The following SCAPER variants were observed in gnomAD, a reference collection of about 807,000 sequenced individuals.
SCAPER encodes S phase cyclin A-associated protein in the endoplasmic reticulum.
In SCAPER, 98 loss-of-function variants were observed where a neutral mutation model predicts 182.2. The ratio of observed to expected loss-of-function variants is 0.54; its 90% CI spans 0.46 to 0.64. The LOEUF (loss-of-function observed/expected upper bound fraction) is 0.64, where lower values mean the gene tolerates loss of function less well. SCAPER is among the 30% of genes least tolerant of loss of function. The pLI is 0.00. For synonymous variants in SCAPER, 605 were observed against 564.6 expected, an observed-to-expected ratio of 1.07 and a Z score of -1.01; for missense variants, 1,432 against 1,690.0, an observed-to-expected ratio of 0.85 and a Z score of 2.68.
chr15:76,793,186 CTT>C (rs1410397024), intron 8 of SCAPER: 22 of 1,088,980 alleles, frequency 2.0e-5, no homozygotes, highest in Non-Finnish European at 2.8e-5. Flanking sequence ...AAATTACAAA[CTT>C]CAGTTCTATA....
intron 21 of SCAPER, among the ~76,000 whole-genome samples, chr15:76,638,636 A>T (rs2053843236): frequency 1.3e-5 from 2 of 152,308 alleles, no homozygotes; most frequent in Admixed American, 6.5e-5. Flanking sequence ...TTTTCTATTA[A>T]TGTGGTGAAT....
intron 17 of SCAPER, among the ~76,000 whole-genome samples, chr15:76,713,292 G>A (rs1477885116): frequency 6.6e-6 from 1 of 151,900 alleles, no homozygotes; most frequent in African/African-American, 2.4e-5. Flanking sequence ...TATACCCAAA[G>A]GACTATAAAT....
intron 23 of SCAPER, among the ~76,000 whole-genome samples, chr15:76,524,787 T>C (rs2043081108): frequency 6.6e-6 from 1 of 150,846 alleles, no homozygotes; most frequent in Non-Finnish European, 1.5e-5. Flanking sequence ...TGAAAGTTAA[T>C]TTTGAAAGAT....
At chr15:76,825,990 C>A (rs1325372823) in intron 5 of SCAPER, among the ~76,000 whole-genome samples, 1 of 152,112 alleles carries the variant, frequency 6.6e-6, no homozygotes, top group Non-Finnish European at 1.5e-5. Flanking sequence ...GGTGATCCAC[C>A]CACATCGGCC....
At chr15:76,473,956 C>G (rs1009224694) in intron 24 of SCAPER, among the ~76,000 whole-genome samples, 1 of 152,026 alleles carries the variant, frequency 6.6e-6, no homozygotes, top group African/African-American at 2.4e-5. Context: ...GGATTACACG[C>G]GTGTGCCACC....
At chr15:76,663,133 C>G (rs1404737100) in intron 21 of SCAPER, among the ~76,000 whole-genome samples, 1 of 151,868 alleles carries the variant, frequency 6.6e-6, no homozygotes, top group Non-Finnish European at 1.5e-5. Context: ...TAAATTGGGA[C>G]ACTTCATAAA....
intron 2 of SCAPER, among the ~76,000 whole-genome samples, chr15:76,873,865 T>A (rs1595866702): frequency 6.6e-6 from 1 of 152,144 alleles, no homozygotes; most frequent in African/African-American, 2.4e-5. Context: ...CCCCATGTGT[T>A]TGGAAGTTAA....
intron 5 of SCAPER, among the ~76,000 whole-genome samples, chr15:76,811,792 A>G (rs559253634): frequency 3.9e-4 from 59 of 151,892 alleles, no homozygotes; most frequent in Non-Finnish European, 7.7e-4. Flanking sequence ...CTGCCTCAAA[A>G]AATAAAAAAT....
Position 76,864,402 on chromosome 15 carries a change from C to T in SCAPER, c.7-1869G>A, listed in dbSNP as rs114320390. ...TTTACTAACTACATTACAGCATTTACGTATGGTTCTTATCTTTAACCTTAC... is the reference window on the plus strand; with the variant it reads ...TTTACTAACTACATTACAGCATTTATGTATGGTTCTTATCTTTAACCTTAC... On this transcript the variant is annotated intron_variant, in intron 2 of 31. Coordinates refer to ENST00000563290, the MANE Select transcript of SCAPER (RefSeq NM_020843.4). Among the ~76,000 whole-genome samples the T allele has an allele frequency of 1.8e-3, 281 of 152,310 alleles. 2 individuals carry two copies. Among genetic ancestry groups the T allele is most frequent in the African/African-American group, 6.5e-3 (270 of 41,574 alleles).
chr15:76,528,170 T>G (rs2043348213), intron 23 of SCAPER, among the ~76,000 whole-genome samples: 1 of 152,228 alleles, frequency 6.6e-6, no homozygotes, highest in African/African-American at 2.4e-5. Flanking sequence ...GGTGGGCAAC[T>G]GAAAACAGGC....
At chr15:76,352,713 G>A (rs1267735715) in intron 30 of SCAPER, among the ~76,000 whole-genome samples, 1 of 151,876 alleles carries the variant, frequency 6.6e-6, no homozygotes, top group Admixed American at 6.6e-5. Context: ...GCCTCCCAAA[G>A]TGCTGGGATT....
At chr15:76,433,161 A>T (rs2046975217) in intron 26 of SCAPER, among the ~76,000 whole-genome samples, 1 of 152,222 alleles carries the variant, frequency 6.6e-6, no homozygotes. Context: ...AAGAGTTGAC[A>T]TCAAGAAACT....
intron 23 of SCAPER, among the ~76,000 whole-genome samples, chr15:76,537,708 A>C (rs1014249546): frequency 1.5e-4 from 23 of 152,238 alleles, no homozygotes; most frequent in Admixed American, 3.9e-4. Flanking sequence ...GAAAGCCAAA[A>C]TTGACAAATG....
At chr15:76,574,016 A>C in intron 23 of SCAPER, 142 bp downstream of exon 23, 6 of 818,830 alleles carry the variant, frequency 7.3e-6, no homozygotes, top group African/African-American at 1.8e-5. Flanking sequence ...AAAAGTAAAA[A>C]AAAAAATTCA....
chr15:76,360,623 G>C (rs111884630), intron 29 of SCAPER, among the ~76,000 whole-genome samples: 2 of 152,332 alleles, frequency 1.3e-5, no homozygotes, highest in African/African-American at 4.8e-5. Flanking sequence ...ATGAAGATGA[G>C]GATGACATAC....
At chr15:76,885,305 C>A (rs890471911) in intron 1 of SCAPER, among the ~76,000 whole-genome samples, 1 of 152,182 alleles carries the variant, frequency 6.6e-6, no homozygotes. Context: ...CAATTCCATA[C>A]ACCCCTTCTC....
In SCAPER at chr15:76,471,230, G is replaced by A; in HGVS notation, c.3060C>T (p.Leu1020=). The A allele has an allele frequency of 6.2e-7, 1 of 1,610,562 alleles. No homozygotes were observed. The highest frequency in any genetic ancestry group is 1.3e-5 in the African/African-American group (1 of 74,794). Residue 1020 remains leucine (L), a synonymous_variant, in exon 25 of 32, where the codon CTC becomes CTT. Coordinates refer to ENST00000563290, the MANE Select transcript of SCAPER (RefSeq NM_020843.4). Reference sequence around the variant, plus strand: ...TACATACCGTCAACTGGTGTATCAGGAGGTCCATTAAGAAGGTAATCTTGT... The same window carrying A: ...TACATACCGTCAACTGGTGTATCAGAAGGTCCATTAAGAAGGTAATCTTGT... ...FSNKITFLMD[L]LIHQLTVYVP...
intron 29 of SCAPER, among the ~76,000 whole-genome samples, chr15:76,369,000 C>G (rs1160656359): frequency 6.6e-6 from 1 of 152,160 alleles, no homozygotes; most frequent in African/African-American, 2.4e-5. Flanking sequence ...ATTAAAACAA[C>G]ATTTTAATTA....
At chr15:76,572,331 T>C (rs1177564460) in intron 23 of SCAPER, among the ~76,000 whole-genome samples, 1 of 152,236 alleles carries the variant, frequency 6.6e-6, no homozygotes, top group Non-Finnish European at 1.5e-5. Flanking sequence ...AATAATTTTT[T>C]AAAAGATCAG....
Sources: allele counts gnomAD v4.1 joint callset (sites outside exome capture counted in the v4.1 genomes callset), GRCh38; gene constraint gnomAD v4.1.1; transcripts MANE v1.5; gene names NCBI Gene and HGNC (gene_info 2026-07-23, HGNC 2026-07-21).